ARL8B: variants seen among roughly 807,000 people sequenced by gnomAD.
The protein encoded by ARL8B is ARF like GTPase 8B, also known as ADP-ribosylation factor-like protein 8B.
Under a neutral mutation model 30.6 loss-of-function variants are expected in ARL8B, and 9 were observed. The ratio of observed to expected loss-of-function variants is 0.29; its 90% CI spans 0.18 to 0.51. ARL8B has a LOEUF of 0.51. ARL8B is among the 20% of genes least tolerant of loss of function. ARL8B has a pLI of 0.97. For missense variants in ARL8B, 130 were observed against 227.2 expected (o/e 0.57, Z 2.75); for synonymous variants, 74 against 76.0 (o/e 0.97, Z 0.14).
chr3:5,146,375 T>G (rs928095169), intron 1 of ARL8B, among the ~76,000 whole-genome samples: 9 of 152,284 alleles, frequency 5.9e-5, no homozygotes, highest in South Asian at 4.1e-4. Context: ...CCATCAGGCT[T>G]TTTGACTGGG....
chr3:5,150,706 C>T (rs1482661742), intron 1 of ARL8B, among the ~76,000 whole-genome samples: 1 of 152,124 alleles, frequency 6.6e-6, no homozygotes, highest in Non-Finnish European at 1.5e-5. Flanking sequence ...TCACTTGAAC[C>T]CGGGAGGGGA....
At chr3:5,137,698 A>G (rs1030097303) in intron 1 of ARL8B, among the ~76,000 whole-genome samples, 12 of 152,138 alleles carry the variant, frequency 7.9e-5, no homozygotes, top group Non-Finnish European at 1.0e-4. Flanking sequence ...TTGGCCTCCC[A>G]AAGTGTTGGG....
chr3:5,131,020 C>T (rs1169925280), intron 1 of ARL8B, among the ~76,000 whole-genome samples: 3 of 151,908 alleles, frequency 2.0e-5, no homozygotes, highest in Admixed American at 6.6e-5. Flanking sequence ...TCAAGTGATT[C>T]TCCTGCCTCA....
At chr3:5,159,523 A>C (rs2054562095) in intron 1 of ARL8B, among the ~76,000 whole-genome samples, 2 of 147,108 alleles carry the variant, frequency 1.4e-5, no homozygotes, top group Admixed American at 7.0e-5. Context: ...AATCCCTTGA[A>C]CCTGGGAGGT....
At chr3:5,136,852 T>C (rs1193602184) in intron 1 of ARL8B, among the ~76,000 whole-genome samples, 4 of 152,196 alleles carry the variant, frequency 2.6e-5, no homozygotes, top group Admixed American at 6.5e-5. Flanking sequence ...TAGATGGCAC[T>C]GTCTTACTCA....
intron 1 of ARL8B, among the ~76,000 whole-genome samples, chr3:5,143,064 C>G (rs1262629782): frequency 6.6e-6 from 1 of 152,210 alleles, no homozygotes; most frequent in African/African-American, 2.4e-5. Flanking sequence ...GTATCTGGTT[C>G]AGGGCAAAGA....
At chr3:5,148,986 C>T (rs917227899) in intron 1 of ARL8B, among the ~76,000 whole-genome samples, 2 of 152,170 alleles carry the variant, frequency 1.3e-5, no homozygotes, top group Non-Finnish European at 2.9e-5. Flanking sequence ...CCTGTGTACT[C>T]GACCCGCGCT....
In ARL8B at chr3:5,172,171, C is replaced by T; in HGVS notation, c.226C>T (p.Pro76Ser). The change falls in exon 3 of 7, where the codon CCC (proline) becomes TCC (serine). Residue 76 changes from proline (P) to serine (S), a missense_variant. Pro to Ser is a moderately conservative substitution (Grantham distance 74). Coordinates refer to ENST00000256496, the MANE Select transcript of ARL8B (RefSeq NM_018184.3). ...AAAGATCTGGGACATAGGAGGACAA[C>T]CCCGATTTCGAAGCATGTGGGAGCG... ...TIKIWDIGGQPRFRSMWERYC... is the reference protein window; with the variant it reads ...TIKIWDIGGQSRFRSMWERYC... 1 of 1,613,622 alleles carries T rather than the reference C, an allele frequency of 6.2e-7. No individual in the cohort carries two copies. Among genetic ancestry groups the T allele is most frequent in the Non-Finnish European group, 8.5e-7 (1 of 1,179,734 alleles).
intron 1 of ARL8B, among the ~76,000 whole-genome samples, chr3:5,127,872 CAAAAAAAAAAAAAAAAAAA>C (rs748657502): frequency 9.5e-5 from 1 of 10,578 alleles, no homozygotes. Flanking sequence ...GACTCCGTCT[CAAAAAAAAAAAAAAAAAAA>C]AAAAAAAAAA....
rs1170188040 is a variant in ARL8B at position 5,180,285 on chromosome 3, T to TAGA, written c.*1574_*1576dup. The TAGA allele has an allele frequency of 2.6e-5, 4 of 152,596 alleles. No individual in the cohort carries two copies. Among genetic ancestry groups the TAGA allele is most frequent in the Non-Finnish European group, 4.4e-5 (3 of 68,038 alleles). The allele number at this position is 152,596 out of a possible 1,614,324, so 9.5% of individuals were successfully genotyped here. A position where few individuals can be genotyped will look rare whatever the true frequency, so the allele number is the denominator to read the frequency against. On this transcript the variant is annotated 3_prime_UTR_variant, in exon 7 of 7. Coordinates refer to ENST00000256496, the MANE Select transcript of ARL8B (RefSeq NM_018184.3). ...TTTTCTCCATTCATATTTTTATGAG[T>TAGA]AGAATCTGGGCTTTTAAATTTCTCT...
chr3:5,123,919 G>A (rs1009478286), intron 1 of ARL8B, among the ~76,000 whole-genome samples: 1 of 152,056 alleles, frequency 6.6e-6, no homozygotes, highest in Non-Finnish European at 1.5e-5. Context: ...TGTCCCCCAG[G>A]CTGGAGTGCA....
intron 6 of ARL8B, 40 bp from the exon 7 acceptor site, chr3:5,178,624 T>C: frequency 6.3e-7 from 1 of 1,577,064 alleles, no homozygotes; most frequent in Non-Finnish European, 8.6e-7. Flanking sequence ...ATGTTTAGTT[T>C]TTTAACTTTA....
intron 1 of ARL8B, among the ~76,000 whole-genome samples, chr3:5,134,176 T>C (rs139800063): frequency 3.3e-5 from 5 of 152,356 alleles, no homozygotes; most frequent in Admixed American, 6.5e-5. Context: ...GTAGGATCTT[T>C]TATTTCTACT....
chr3:5,124,170 C>T (rs995155173), intron 1 of ARL8B, among the ~76,000 whole-genome samples: 3 of 151,430 alleles, frequency 2.0e-5, no homozygotes, highest in Non-Finnish European at 4.4e-5. Flanking sequence ...CGCCTGGCCT[C>T]CTATTGTAAT....
At chr3:5,164,426 G>GA (rs963545656) in intron 1 of ARL8B, among the ~76,000 whole-genome samples, 5 of 152,112 alleles carry the variant, frequency 3.3e-5, no homozygotes, top group Admixed American at 6.6e-5. Flanking sequence ...GTTTTATTTG[G>GA]AAATTATTTA....
chr3:5,177,444 T>C (rs1445646878), intron 6 of ARL8B, among the ~76,000 whole-genome samples: 2 of 152,116 alleles, frequency 1.3e-5, no homozygotes, highest in African/African-American at 2.4e-5. Context: ...CTTTGTGTAA[T>C]TTTTTAGTGA....
intron 1 of ARL8B, among the ~76,000 whole-genome samples, chr3:5,134,401 A>G (rs2054308081): frequency 6.6e-6 from 1 of 152,206 alleles, no homozygotes; most frequent in Non-Finnish European, 1.5e-5. Flanking sequence ...AGTGGGTCAG[A>G]TTCGTTTGCA....
At position 5,180,166 on chromosome 3, in the gene ARL8B, C is replaced by A. The variant is rs192648932; in HGVS notation, c.*1453C>A. On this transcript the variant is annotated 3_prime_UTR_variant, in exon 7 of 7. Transcript: ENST00000256496. The stretch of plus-strand genomic sequence containing the variant: ...CTCAGAGTGTAGTCAACAGTAAGTT[C>A]TTTTAATGAATATCAGTTTTAATTT... 12 of 152,720 alleles carry A rather than the reference C, an allele frequency of 7.9e-5. No homozygotes were observed. The highest frequency in any genetic ancestry group is 1.3e-4 in the Non-Finnish European group (9 of 68,020). The allele number at this position is 152,720 out of a possible 1,614,324, so 9.5% of individuals were successfully genotyped here. A position where few individuals can be genotyped will look rare whatever the true frequency, so the allele number is the denominator to read the frequency against.
intron 1 of ARL8B, among the ~76,000 whole-genome samples, chr3:5,145,802 C>G (rs2054413900): frequency 7.0e-6 from 1 of 142,100 alleles, no homozygotes; most frequent in Non-Finnish European, 1.5e-5. Context: ...TTTCAGAGTT[C>G]TCTCTTGGTC....
Sources: gnomAD v4.1 joint callset for allele counts (sites outside exome capture counted in the v4.1 genomes callset) on GRCh38, gnomAD v4.1.1 for gene constraint, MANE v1.5 for transcripts, NCBI Gene and HGNC (gene_info 2026-07-23, HGNC 2026-07-21) for gene names.